POLR3B: variants seen among roughly 807,000 people sequenced by gnomAD.
POLR3B encodes the protein RNA polymerase III subunit B.
POLR3B carries 96 observed loss-of-function variants against 147.4 expected under a neutral mutation model. The observed-to-expected ratio is 0.65, with a 90% CI of 0.55 to 0.77. The LOEUF (loss-of-function observed/expected upper bound fraction) is 0.77. POLR3B is among the 30% of genes least tolerant of loss of function. The pLI is 0.00. For synonymous variants in POLR3B, 461 were observed against 485.9 expected (o/e 0.95, Z 0.67); for missense variants, 1,036 against 1,413.5 (o/e 0.73, Z 4.28).
chr12:106,378,689 ACTCCTTTTCAGCCTTTTATG>A (rs1420195889), intron 8 of POLR3B, among the ~76,000 whole-genome samples: 1 of 151,762 alleles, frequency 6.6e-6, no homozygotes, highest in Non-Finnish European at 1.5e-5. Context: ...AGTTTTTCAC[ACTCCTTTTCAGCCTTTTATG>A]CTCCTTTTCA....
At chr12:106,465,849 A>G (rs1364243672) in intron 23 of POLR3B, among the ~76,000 whole-genome samples, 1 of 151,958 alleles carries the variant, frequency 6.6e-6, no homozygotes, top group African/African-American at 2.4e-5. Context: ...CATTTTCTTA[A>G]CCCAGTCTAT....
At chr12:106,362,197 T>A (rs2136877260) in intron 1 of POLR3B, among the ~76,000 whole-genome samples, 1 of 152,272 alleles carries the variant, frequency 6.6e-6, no homozygotes, top group African/African-American at 2.4e-5. Context: ...GGGCAAGGTT[T>A]CCAGTCTTCA....
rs1385616867 is a variant in POLR3B, at chr12:106,509,879, G to A, written c.*330G>A. ...TCATTAGAAGACCTTACTCCTTCAA[G>A]CAAATGTTTGGGGTCAAATTTACCA... On this transcript the variant is annotated 3_prime_UTR_variant, in exon 28 of 28. Coordinates refer to ENST00000228347, the MANE Select transcript of POLR3B (RefSeq NM_018082.6). The A allele has an allele frequency of 4.3e-6, 1 of 233,452 alleles. No individual in the cohort carries two copies. 14.5% of individuals were successfully genotyped at this position (233,452 alleles called of 1,614,324 possible). A position where few individuals can be genotyped will look rare whatever the true frequency, so the allele number is the denominator to read the frequency against.
intron 23 of POLR3B, among the ~76,000 whole-genome samples, chr12:106,482,456 G>A (rs2038280840): frequency 6.6e-6 from 1 of 152,156 alleles, no homozygotes; most frequent in Admixed American, 6.5e-5. Flanking sequence ...AATCATGGCA[G>A]AAGGCAAAGG....
rs186455561 is a variant in POLR3B at position 106,469,516 on chromosome 12, T to G, written c.2713+5896T>G. 1.1e-3 allele frequency among the ~76,000 whole-genome samples: 162 copies of G among 152,184 alleles called. 1 individual carries two copies. Among genetic ancestry groups the G allele is most frequent in the African/African-American group, 3.6e-3 (150 of 41,544 alleles). On this transcript the variant is annotated intron_variant, in intron 23 of 27. Coordinates refer to ENST00000228347, the MANE Select transcript of POLR3B (RefSeq NM_018082.6). ...TATGATGCTTGCTGGTTATTTCACC[T>G]GTTAATTGATGCAGTTTCTTCATAG... is the stretch of plus-strand genomic sequence containing the variant.
intron 27 of POLR3B, chr12:106,507,685 T>G (rs1200230580): frequency 2.3e-6 from 1 of 443,490 alleles, no homozygotes; most frequent in Non-Finnish European, 4.5e-6. Flanking sequence ...CTGCGTCCCC[T>G]CATCATAACA....
At chr12:106,500,969 G>T (rs2038590880) in intron 25 of POLR3B, among the ~76,000 whole-genome samples, 1 of 152,204 alleles carries the variant, frequency 6.6e-6, no homozygotes, top group African/African-American at 2.4e-5. Flanking sequence ...AGAATAGATT[G>T]TTGAGGGATG....
intron 19 of POLR3B, among the ~76,000 whole-genome samples, chr12:106,453,501 G>A (rs1297585734): frequency 6.6e-6 from 1 of 152,090 alleles, no homozygotes; most frequent in Non-Finnish European, 1.5e-5. Context: ...GGAAGCGTGT[G>A]CAAGAGAGAG....
At chr12:106,370,806 A>AT (rs1387384828) in intron 6 of POLR3B, among the ~76,000 whole-genome samples, 1 of 151,436 alleles carries the variant, frequency 6.6e-6, no homozygotes, top group Non-Finnish European at 1.5e-5. Context: ...TAATTTTTGT[A>AT]TTTTTTGTAG....
intron 19 of POLR3B, among the ~76,000 whole-genome samples, chr12:106,446,000 A>G (rs2037717923): frequency 6.6e-6 from 1 of 152,242 alleles, no homozygotes; most frequent in Admixed American, 6.5e-5. Flanking sequence ...GTAAGCCTGG[A>G]CAGTTGAGAA....
intron 23 of POLR3B, among the ~76,000 whole-genome samples, chr12:106,495,403 C>T (rs944509064): frequency 6.6e-6 from 1 of 151,946 alleles, no homozygotes; most frequent in South Asian, 2.1e-4. Flanking sequence ...TTTACAAGTT[C>T]AATCAAAGAT....
chr12:106,484,779 C>T (rs568494060), intron 23 of POLR3B, among the ~76,000 whole-genome samples: 2 of 151,150 alleles, frequency 1.3e-5, no homozygotes, highest in African/African-American at 2.4e-5. Context: ...AGGAGCCAGC[C>T]GAGCAAAAGT....
chr12:106,438,446 T>C (rs1384750781), intron 18 of POLR3B, among the ~76,000 whole-genome samples: 1 of 151,882 alleles, frequency 6.6e-6, no homozygotes, highest in Non-Finnish European at 1.5e-5. Flanking sequence ...GATATATCCA[T>C]ATATCCATAT....
At chr12:106,442,441 A>T (rs1191265539) in intron 18 of POLR3B, among the ~76,000 whole-genome samples, 1 of 152,184 alleles carries the variant, frequency 6.6e-6, no homozygotes, top group Non-Finnish European at 1.5e-5. Flanking sequence ...TTTAAAGAAA[A>T]AAGCAAAACA....
At chr12:106,446,537 T>A (rs1047439090) in intron 19 of POLR3B, among the ~76,000 whole-genome samples, 1 of 151,988 alleles carries the variant, frequency 6.6e-6, no homozygotes, top group Admixed American at 6.6e-5. Context: ...GCCAGTTCAG[T>A]GTCTGTAGAG....
intron 26 of POLR3B, among the ~76,000 whole-genome samples, chr12:106,503,444 TC>T (rs527786941): frequency 1.8e-4 from 28 of 152,208 alleles, no homozygotes; most frequent in African/African-American, 6.5e-4. Context: ...TGCTTTTTTT[TC>T]CCCCCAAATA....
chr12:106,384,324 A>G (rs1158588327), intron 9 of POLR3B, among the ~76,000 whole-genome samples: 3 of 152,240 alleles, frequency 2.0e-5, no homozygotes, highest in Non-Finnish European at 4.4e-5. Context: ...TTAGTTATCA[A>G]GCAAAATAAA....
At chr12:106,450,237 A>G (rs931539598) in intron 19 of POLR3B, among the ~76,000 whole-genome samples, 1 of 152,208 alleles carries the variant, frequency 6.6e-6, no homozygotes, top group Admixed American at 6.5e-5. Context: ...AACAAAAAAT[A>G]TATTATAGCC....
In POLR3B at chr12:106,444,517, A is replaced by G. The variant is rs1036941093; in HGVS notation, c.2010A>G (p.Gly670=). 6.8e-6 allele frequency: 11 copies of G among 1,613,784 alleles called. No individual in the cohort carries two copies. In the Admixed American group the frequency reaches 1.3e-4, roughly 20 times the overall value. Residue 670 remains glycine (G), a synonymous_variant, in exon 19 of 28, where the codon GGA becomes GGG. Transcript: ENST00000228347. ...EPFTLLGVCA[G]LIPYPHHNQS... ...TCACTCTTCTCGGCGTGTGTGCTGG[A>G]CTTATCCCATACCCTCACCATAACC...
Sources: gnomAD v4.1 joint callset for allele counts (sites outside exome capture counted in the v4.1 genomes callset) on GRCh38, gnomAD v4.1.1 for gene constraint, MANE v1.5 for transcripts, NCBI Gene and HGNC (gene_info 2026-07-23, HGNC 2026-07-21) for gene names.